The following CAMK2A variants were observed in gnomAD, a reference collection of about 807,000 sequenced individuals.
The protein encoded by CAMK2A is calcium/calmodulin dependent protein kinase II alpha.
A neutral mutation model predicts 79.2 loss-of-function variants in CAMK2A; 7 were observed. The observed-to-expected ratio is 0.09, with a 90% CI of 0.05 to 0.17. CAMK2A has a LOEUF of 0.17. Among genes scored for constraint, CAMK2A ranks in the 10% least tolerant of loss-of-function variants. The pLI, the probability that CAMK2A is intolerant of heterozygous loss-of-function variation, is 1.00. For missense variants in CAMK2A, 214 were observed against 646.4 expected (o/e 0.33, Z 7.25); for synonymous variants, 242 against 251.7 (o/e 0.96, Z 0.36).
chr5:150,284,402 A>G lies in CAMK2A; in HGVS notation c.62+5162T>C, dbSNP rs1368578582. Among the ~76,000 whole-genome samples, 1 of 151,182 alleles carries G rather than the reference A, an allele frequency of 6.6e-6. No individual in the cohort carries two copies. Among genetic ancestry groups the G allele is most frequent in the African/African-American group, 2.4e-5 (1 of 41,056 alleles). ...AACAGGATGCGAGTGTTGCACTCCG[A>G]GGCTCTGCCCTCACCCCACAGAGAG... is the stretch of plus-strand genomic sequence containing the variant. On this transcript the variant is annotated intron_variant, in intron 1 of 18. Transcript: ENST00000671881. The surrounding 1 kb of genome is among the most constrained non-coding windows in gnomAD (Gnocchi z 5.3).
rs1038869552 is a variant in CAMK2A, at chr5:150,238,860, G to C, written c.1018-112C>G. The C allele has an allele frequency of 5.8e-6, 5 of 863,240 alleles. No individual in the cohort carries two copies. The African/African-American group carries it at 6.9e-5, about 12-fold the overall frequency. 53.5% of individuals were successfully genotyped at this position (863,240 alleles called of 1,614,324 possible). A position where few individuals can be genotyped will look rare whatever the true frequency, so the allele number is the denominator to read the frequency against. On this transcript the variant is annotated intron_variant, in intron 14 of 18. Coordinates refer to ENST00000671881, the MANE Select transcript of CAMK2A (RefSeq NM_015981.4). ...GGTTTCTGTGAGCCTCACAGGCTCT[G>C]CCTTCCAGATGCTGTCCTGAAAACC... is the stretch of plus-strand genomic sequence containing the variant.
Position 150,223,877 on chromosome 5 carries a change from A to G in CAMK2A, c.1238-660T>C, listed in dbSNP as rs991221700. On this transcript the variant is annotated intron_variant, in intron 17 of 18. Transcript: ENST00000671881. The surrounding 1 kb of genome is among the most constrained non-coding windows in gnomAD (Gnocchi z 4.1). The stretch of plus-strand genomic sequence containing the variant: ...AAACATCATGCAAGCCAAGTGAAAC[A>G]TATCTACAGTTCAGACACGGCCCGT... Among the ~76,000 whole-genome samples, 5 of 152,266 alleles carry G rather than the reference A, an allele frequency of 3.3e-5. No homozygotes were observed. Among genetic ancestry groups the G allele is most frequent in the Admixed American group, 6.5e-5 (1 of 15,288 alleles).
In CAMK2A at chr5:150,284,278, C is replaced by T. The variant is rs1757332568; in HGVS notation, c.62+5286G>A. On this transcript the variant is annotated intron_variant, in intron 1 of 18. Coordinates refer to ENST00000671881, the MANE Select transcript of CAMK2A (RefSeq NM_015981.4). This position sits in a 1 kb window ranked among gnomAD's most constrained non-coding sequence, Gnocchi z 5.3. ...GGGAGATGGACTCGTGCTCTATGCC[C>T]TGTCACAGCCAGTGTGTGTGTGTGT... 7.0e-6 allele frequency among the ~76,000 whole-genome samples: 1 copy of T among 143,018 alleles called. No individual in the cohort carries two copies. The highest frequency in any genetic ancestry group is 1.5e-5 in the Non-Finnish European group (1 of 66,654). 93.8% of individuals were successfully genotyped at this position (143,018 alleles called of 152,430 possible).
intron 13 of CAMK2A, among the ~76,000 whole-genome samples, chr5:150,243,845 A>C (rs367642211): frequency 3.0e-4 from 46 of 152,332 alleles, no homozygotes; most frequent in East Asian, 2.9e-3. Flanking sequence ...GTCCAGCTGC[A>C]GGCAAGCCCA....
chr5:150,279,832 G>A (rs1340338872), intron 1 of CAMK2A, among the ~76,000 whole-genome samples: 2 of 152,248 alleles, frequency 1.3e-5, no homozygotes, highest in African/African-American at 4.8e-5. Context: ...GTGCTAATGG[G>A]CTGTGAAAAG....
At chr5:150,277,780 G>A (rs552976267) in intron 1 of CAMK2A, among the ~76,000 whole-genome samples, 118 of 152,276 alleles carry the variant, frequency 7.7e-4, no homozygotes, top group African/African-American at 2.7e-3. Flanking sequence ...CCTCACAAGC[G>A]CAGAAGTCTT....
At chr5:150,262,855 A>G (rs896578288) in intron 3 of CAMK2A, among the ~76,000 whole-genome samples, 2 of 152,160 alleles carry the variant, frequency 1.3e-5, no homozygotes, top group Non-Finnish European at 1.5e-5. Context: ...GGCAGAGCTG[A>G]GATTGAAACC....
chr5:150,220,514 A>G lies in CAMK2A; in HGVS notation c.*2196T>C, dbSNP rs1426146574. On this transcript the variant is annotated 3_prime_UTR_variant, in exon 19 of 19. Coordinates refer to ENST00000671881, the MANE Select transcript of CAMK2A (RefSeq NM_015981.4). The stretch of plus-strand genomic sequence containing the variant: ...AAAGAACCCTTTTAACCAATGAGGG[A>G]ACTGAGGCTGAAGAAGAGCTCAGAC... 1 of 152,344 alleles carries G rather than the reference A, an allele frequency of 6.6e-6. No individual in the cohort carries two copies. The highest frequency in any genetic ancestry group is 1.5e-5 in the Non-Finnish European group (1 of 68,050). The allele number at this position is 152,344 out of a possible 1,614,324, so 9.4% of individuals were successfully genotyped here. A position where few individuals can be genotyped will look rare whatever the true frequency, so the allele number is the denominator to read the frequency against.
At chr5:150,265,061 T>C (rs777757051) in intron 2 of CAMK2A, 46 bp from the exon 3 acceptor site, 1 of 1,388,920 alleles carries the variant, frequency 7.2e-7, no homozygotes, top group South Asian at 1.2e-5. Flanking sequence ...GAAGGAACCA[T>C]TACCCTCCAT....
chr5:150,256,793 C>T lies in CAMK2A; in HGVS notation c.311G>A (p.Arg104Gln). ...GGELFEDIVAREYYSEADASH... is the reference protein window; with the variant it reads ...GGELFEDIVAQEYYSEADASH... ...GGCATCCGCCTCACTGTAATACTCC[C>T]GGGCCACGATATCTTCAAACAGTTC... The change falls in exon 5 of 19, where the codon CGG becomes CAG. Residue 104 changes from arginine to glutamine, a missense_variant. Around this residue, in one of 4 missense-constraint regions of CAMK2A, gnomAD observed 72 missense variants for 333.9 expected, o/e 0.22. Coordinates refer to ENST00000671881, the MANE Select transcript of CAMK2A (RefSeq NM_015981.4). The surrounding 1 kb of genome is among the most constrained non-coding windows in gnomAD (Gnocchi z 4.6). 1.2e-6 allele frequency: 2 copies of T among 1,614,146 alleles called. No individual in the cohort carries two copies. Among genetic ancestry groups the T allele is most frequent in the Non-Finnish European group, 1.7e-6 (2 of 1,179,992 alleles).
chr5:150,276,775 T>C (rs78883473), intron 1 of CAMK2A, among the ~76,000 whole-genome samples: 6,253 of 151,966 alleles, frequency 0.041, 428 homozygotes, highest in African/African-American at 0.14. Flanking sequence ...TCAATTAATA[T>C]ATGTGGGTGG....
rs1382795728 is a variant in CAMK2A, at chr5:150,223,062, C to T, written c.1393G>A (p.Val465Ile). 1.9e-6 allele frequency: 3 copies of T among 1,614,126 alleles called. No homozygotes were observed. Among genetic ancestry groups the T allele is most frequent in the African/African-American group, 2.7e-5 (2 of 74,956 alleles). Reference protein sequence around the residue: ...PRTAQSEETRVWHRRDGKWQI... With the variant: ...PRTAQSEETRIWHRRDGKWQI... The stretch of plus-strand genomic sequence containing the variant: ...CATTTGCCATCCCGGCGGTGCCAGA[C>T]ACGGGTCTCCTCCGACTGGGCGGTG... Residue 465 changes from valine (V) to isoleucine (I), a missense_variant, in exon 18 of 19, where the codon GTC becomes ATC. By Grantham distance (29) the Val-to-Ile change is conservative (BLOSUM62 3). Around this residue, in one of 4 missense-constraint regions of CAMK2A, gnomAD observed 123 missense variants for 242.4 expected, o/e 0.51. Coordinates refer to ENST00000671881, the MANE Select transcript of CAMK2A (RefSeq NM_015981.4). This position sits in a 1 kb window ranked among gnomAD's most constrained non-coding sequence, Gnocchi z 4.1.
chr5:150,222,925 C>G (rs1423258071), intron 18 of CAMK2A, 64 bp downstream of exon 18: 4 of 1,519,954 alleles, frequency 2.6e-6, no homozygotes, highest in Non-Finnish European at 3.6e-6. Flanking sequence ...CCGACGTAAC[C>G]CCCTCCAGGG....
intron 16 of CAMK2A, among the ~76,000 whole-genome samples, chr5:150,230,756 T>C (rs1325296737): frequency 6.6e-6 from 1 of 152,256 alleles, no homozygotes; most frequent in African/African-American, 2.4e-5. Flanking sequence ...TCTCATTTTA[T>C]GTTATTTTTG....
At chr5:150,242,493 G>T (rs1755392834) in intron 13 of CAMK2A, among the ~76,000 whole-genome samples, 1 of 152,218 alleles carries the variant, frequency 6.6e-6, no homozygotes. Flanking sequence ...ATGAAATGGG[G>T]TTTGTCTCCA....
At chr5:150,281,462 GGGCCACATGT>G (rs772868340) in intron 1 of CAMK2A, among the ~76,000 whole-genome samples, 3 of 152,188 alleles carry the variant, frequency 2.0e-5, no homozygotes, top group Non-Finnish European at 2.9e-5. Flanking sequence ...GCTAGAGTTT[GGGCCACATGT>G]GGCTGCATCA....
At chr5:150,225,567 G>C (rs373755505) in intron 17 of CAMK2A, among the ~76,000 whole-genome samples, 3 of 152,156 alleles carry the variant, frequency 2.0e-5, no homozygotes, top group African/African-American at 7.2e-5. Flanking sequence ...AGCCTTTACA[G>C]TTGGGCCTTA....
At chr5:150,257,409 G>A (rs1361343910) in intron 4 of CAMK2A, among the ~76,000 whole-genome samples, 154 bp downstream of exon 4, 2 of 152,238 alleles carry the variant, frequency 1.3e-5, no homozygotes, top group African/African-American at 4.8e-5. Context: ...GGTGTTTTAG[G>A]AAAGTCAGCT....
intron 12 of CAMK2A, among the ~76,000 whole-genome samples, chr5:150,247,470 C>G (rs992044939): frequency 6.6e-6 from 1 of 152,246 alleles, no homozygotes; most frequent in Admixed American, 6.5e-5. Flanking sequence ...AACTCAATCC[C>G]CTGCAATCAG....
Sources: gnomAD v4.1 joint callset for allele counts (sites outside exome capture counted in the v4.1 genomes callset) on GRCh38, gnomAD v4.1.1 for gene constraint, gnomAD v4.1.1 regional missense constraint, Gnocchi (gnomAD v3.1) non-coding constraint, MANE v1.5 for transcripts, NCBI Gene and HGNC (gene_info 2026-07-23, HGNC 2026-07-21) for gene names.